QKI: variants seen among roughly 807,000 people sequenced by gnomAD.
The protein encoded by QKI is QKI, KH domain containing RNA binding, also known as KH domain-containing RNA-binding protein QKI.
A neutral mutation model predicts 39.0 loss-of-function variants in QKI; 10 were observed. The observed-to-expected ratio is 0.26, with a 90% CI of 0.16 to 0.43. QKI has a LOEUF of 0.43. Ranked by LOEUF, QKI falls within the 20% of genes least tolerant of loss-of-function variation. The probability of loss-of-function intolerance (pLI) is 1.00; values close to 1 mark genes in which losing one functional copy is unlikely to be tolerated. For synonymous variants in QKI, 204 were observed against 155.4 expected (o/e 1.31, Z -2.33); for missense variants, 218 against 428.0 (o/e 0.51, Z 4.33).
chr6:163,511,815 AT>A (rs886961067), intron 3 of QKI, among the ~76,000 whole-genome samples: 3 of 152,036 alleles, frequency 2.0e-5, no homozygotes, highest in African/African-American at 7.2e-5. Context: ...AGAAAAAAAA[AT>A]GAGAATACTT....
At chr6:163,438,371 C>T (rs1789475272) in intron 1 of QKI, among the ~76,000 whole-genome samples, 1 of 152,102 alleles carries the variant, frequency 6.6e-6, no homozygotes, top group East Asian at 1.9e-4. Context: ...TATATATACA[C>T]ATACACATAA....
chr6:163,515,328 T>G (rs921281451), intron 3 of QKI, among the ~76,000 whole-genome samples: 3 of 152,138 alleles, frequency 2.0e-5, no homozygotes, highest in African/African-American at 7.2e-5. Context: ...AGTGTGTGTT[T>G]TTTTTTAAGA....
chr6:163,469,137 T>C (rs1276345805), intron 2 of QKI, among the ~76,000 whole-genome samples: 2 of 152,190 alleles, frequency 1.3e-5, no homozygotes, highest in Non-Finnish European at 2.9e-5. Flanking sequence ...TTTACAAATA[T>C]TTTTAATTTA....
At chr6:163,472,150 G>A (rs1478655215) in intron 2 of QKI, among the ~76,000 whole-genome samples, 4 of 152,154 alleles carry the variant, frequency 2.6e-5, no homozygotes, top group Admixed American at 6.5e-5. Flanking sequence ...AAGCCTTACC[G>A]ATAACATAAA....
intron 3 of QKI, among the ~76,000 whole-genome samples, chr6:163,526,695 C>T (rs1228729417): frequency 5.3e-5 from 8 of 152,194 alleles, no homozygotes. Flanking sequence ...TCACTCTTCT[C>T]AGCCTTAACT....
At chr6:163,525,729 A>ATTG (rs1261590284) in intron 3 of QKI, among the ~76,000 whole-genome samples, 4 of 152,176 alleles carry the variant, frequency 2.6e-5, no homozygotes, top group African/African-American at 9.7e-5. Context: ...ACTTTTAAGT[A>ATTG]TTGTATTTAG....
rs917127043 is a variant in QKI, at chr6:163,578,016, A to G, written c.*7306A>G. 1 of 152,172 alleles carries G rather than the reference A, an allele frequency of 6.6e-6. No individual in the cohort carries two copies. Among genetic ancestry groups the G allele is most frequent in the African/African-American group, 2.4e-5 (1 of 41,440 alleles). The allele number at this position is 152,172 out of a possible 1,614,324, so 9.4% of individuals were successfully genotyped here. A position where few individuals can be genotyped will look rare whatever the true frequency, so the allele number is the denominator to read the frequency against. ...TAATAGTCATGGTAAGTTTGGCATC[A>G]TATCTTCCCCAAAAAATGTTTATTA... On this transcript the variant is annotated 3_prime_UTR_variant, in exon 8 of 8. Transcript: ENST00000361752.
chr6:163,432,650 G>A (rs952333974), intron 1 of QKI, among the ~76,000 whole-genome samples: 3 of 152,072 alleles, frequency 2.0e-5, no homozygotes, highest in Non-Finnish European at 4.4e-5. Context: ...ATCCTCCTGT[G>A]TCAGGTGTCA....
At chr6:163,543,967 A>C (rs1781704664) in intron 4 of QKI, among the ~76,000 whole-genome samples, 1 of 152,112 alleles carries the variant, frequency 6.6e-6, no homozygotes, top group South Asian at 2.1e-4. Flanking sequence ...AATTTTACTC[A>C]GTGCATGTAA....
At chr6:163,433,821 T>C (rs1046538140) in intron 1 of QKI, among the ~76,000 whole-genome samples, 2 of 152,270 alleles carry the variant, frequency 1.3e-5, no homozygotes, top group African/African-American at 2.4e-5. Flanking sequence ...TTTAAAATGC[T>C]ACCTATAAGG....
chr6:163,456,268 G>C (rs777535402), intron 2 of QKI, among the ~76,000 whole-genome samples: 1 of 151,914 alleles, frequency 6.6e-6, no homozygotes, highest in Non-Finnish European at 1.5e-5. Context: ...CTTTGCAATA[G>C]CACTTATAAT....
At position 163,480,977 on chromosome 6, in the gene QKI, C is replaced by A. The variant is rs189248372; in HGVS notation, c.402+2081C>A. Among the ~76,000 whole-genome samples, 3 of 152,258 alleles carry A rather than the reference C, an allele frequency of 2.0e-5. No individual in the cohort carries two copies. The East Asian group carries it at 5.8e-4, about 29-fold the overall frequency. The stretch of plus-strand genomic sequence containing the variant: ...CCCCACTCAACCTTGCTTACTGTTT[C>A]AAGCCCTCACAGACAATGAGCATTA... On this transcript the variant is annotated intron_variant, in intron 3 of 7. Transcript: ENST00000361752.
chr6:163,520,243 G>C (rs928463202), intron 3 of QKI, among the ~76,000 whole-genome samples: 2 of 151,976 alleles, frequency 1.3e-5, no homozygotes, highest in Admixed American at 1.3e-4. Context: ...CTGTTTTCTT[G>C]GCTGATGTAG....
intron 4 of QKI, among the ~76,000 whole-genome samples, chr6:163,557,507 G>A (rs1782706461): frequency 6.6e-6 from 1 of 152,170 alleles, no homozygotes; most frequent in Admixed American, 6.5e-5. Flanking sequence ...TGGAGATAGA[G>A]TGTGGAGCGA....
At chr6:163,444,368 C>T (rs996176460) in intron 1 of QKI, among the ~76,000 whole-genome samples, 41 of 152,120 alleles carry the variant, frequency 2.7e-4, no homozygotes, top group African/African-American at 9.4e-4. Flanking sequence ...ATCATGCTGG[C>T]GAAACAGGAG....
At chr6:163,446,821 C>T (rs1438692303) in intron 1 of QKI, among the ~76,000 whole-genome samples, 1 of 152,110 alleles carries the variant, frequency 6.6e-6, no homozygotes, top group Non-Finnish European at 1.5e-5. Flanking sequence ...CTGTTCTGTT[C>T]TTTTCAGTGA....
chr6:163,460,987 G>A (rs1269281969), intron 2 of QKI, among the ~76,000 whole-genome samples: 2 of 152,122 alleles, frequency 1.3e-5, no homozygotes, highest in African/African-American at 4.8e-5. Context: ...GTACATATTT[G>A]TATTCAGTGG....
intron 1 of QKI, among the ~76,000 whole-genome samples, chr6:163,452,862 G>A (rs553452646): frequency 4.6e-5 from 7 of 152,128 alleles, no homozygotes; most frequent in African/African-American, 1.2e-4. Context: ...TGAGTAGCTG[G>A]GATTACAGGC....
chr6:163,431,921 T>C (rs1788867313), intron 1 of QKI, among the ~76,000 whole-genome samples: 1 of 152,012 alleles, frequency 6.6e-6, no homozygotes, highest in Non-Finnish European at 1.5e-5. Flanking sequence ...TATATGTAAA[T>C]GCTGTTCCTT....
Sources: allele counts gnomAD v4.1 joint callset (sites outside exome capture counted in the v4.1 genomes callset), GRCh38; gene constraint gnomAD v4.1.1; transcripts MANE v1.5; gene names NCBI Gene and HGNC (gene_info 2026-07-23, HGNC 2026-07-21).